NRXN1: variants seen among roughly 807,000 people sequenced by gnomAD.
NRXN1 encodes the protein neurexin-1.
Under a neutral mutation model 150.9 loss-of-function variants are expected in NRXN1, and 39 were observed. That is an observed-to-expected ratio of 0.26 (90% CI 0.20 to 0.34). The LOEUF is 0.34. Ranked by LOEUF, NRXN1 falls within the 10% of genes least tolerant of loss-of-function variation. The pLI is 1.00. For missense variants in NRXN1, 1,815 were observed against 1,949.9 expected (o/e 0.93, Z 1.30); for synonymous variants, 924 against 757.0 (o/e 1.22, Z -3.62).
intron 5 of NRXN1, among the ~76,000 whole-genome samples, chr2:50,757,712 G>C (rs1701318182): frequency 6.6e-6 from 1 of 151,754 alleles, no homozygotes; most frequent in African/African-American, 2.4e-5. Flanking sequence ...AAGCGTGATA[G>C]TCTTTGATTG....
chr2:50,550,896 T>A (rs939839523), intron 9 of NRXN1, among the ~76,000 whole-genome samples: 1 of 151,808 alleles, frequency 6.6e-6, no homozygotes, highest in Non-Finnish European at 1.5e-5. Flanking sequence ...TTAGCCAGGA[T>A]GGTCTGGATC....
At chr2:50,793,468 T>C (rs1197964881) in intron 5 of NRXN1, among the ~76,000 whole-genome samples, 1 of 152,108 alleles carries the variant, frequency 6.6e-6, no homozygotes, top group Non-Finnish European at 1.5e-5. Flanking sequence ...TAACCTTCAC[T>C]AAAGGGTTAA....
intron 19 of NRXN1, among the ~76,000 whole-genome samples, chr2:50,063,360 C>A (rs1407242791): frequency 6.6e-6 from 1 of 152,092 alleles, no homozygotes; most frequent in Non-Finnish European, 1.5e-5. Context: ...GCCGAATACA[C>A]ATATATAATT....
chr2:50,640,935 G>T lies in NRXN1; in HGVS notation c.833-17320C>A, dbSNP rs186980780. Among the ~76,000 whole-genome samples, 674 of 152,152 alleles carry T rather than the reference G, an allele frequency of 4.4e-3. 4 individuals carry two copies. Among genetic ancestry groups the T allele is most frequent in the Non-Finnish European group, 7.6e-3 (514 of 68,008 alleles). ...GAGAAGGTCATGGAAGAAAGTCTTG[G>T]GATAAAATAAGTAGATAAAGAAATA... On this transcript the variant is annotated intron_variant, in intron 5 of 22. Transcript: ENST00000401669.
rs1685797476 is a variant in NRXN1, at chr2:50,012,179, G to A, written c.4128+41092C>T. Among the ~76,000 whole-genome samples the A allele has an allele frequency of 2.0e-5, 3 of 151,974 alleles. No homozygotes were observed. The South Asian group carries it at 6.2e-4, about 31-fold the overall frequency. On this transcript the variant is annotated intron_variant, in intron 21 of 22. Coordinates refer to ENST00000401669, the MANE Select transcript of NRXN1 (RefSeq NM_001330078.2). ...ATTTAAACTAGAGTCTTTTCTCATG[G>A]AAAACAAACCATCCATGTCTTGATC...
In NRXN1 at chr2:50,829,999, GAAAAAAAAAAAAAAAA is replaced by G. The variant is rs572758147; in HGVS notation, c.832+91854_832+91869del. ...GGAACCCAAAGAATACTGCCTGCTGGAAAAAAAAAAAAAAAAAAAAAAAAAAAAAAAGCTCATTTCT... is the reference window on the plus strand; with the variant it reads ...GGAACCCAAAGAATACTGCCTGCTGGAAAAAAAAAAAAAAAGCTCATTTCT... On this transcript the variant is annotated intron_variant, in intron 5 of 22. Coordinates refer to ENST00000401669, the MANE Select transcript of NRXN1 (RefSeq NM_001330078.2). 4.7e-3 allele frequency among the ~76,000 whole-genome samples: 273 copies of G among 58,190 alleles called. 17 individuals carry two copies. In the Admixed American group the frequency reaches 0.057, roughly 12 times the overall value. The allele number at this position is 58,190 out of a possible 152,430, so 38.2% of individuals were successfully genotyped here. A position where few individuals can be genotyped will look rare whatever the true frequency, so the allele number is the denominator to read the frequency against.
intron 5 of NRXN1, among the ~76,000 whole-genome samples, chr2:50,787,295 C>T (rs747778608): frequency 6.6e-5 from 10 of 152,090 alleles, no homozygotes; most frequent in Non-Finnish European, 1.2e-4. Context: ...CGCTGTGGCT[C>T]ATGCCTGTAA....
chr2:50,235,443 G>C (rs138710435), intron 18 of NRXN1, among the ~76,000 whole-genome samples: 1 of 152,118 alleles, frequency 6.6e-6, no homozygotes, highest in East Asian at 1.9e-4. Flanking sequence ...GGGTTTTGTT[G>C]TGTTTTTCAA....
chr2:49,959,752 A>C (rs1675587328), intron 21 of NRXN1, among the ~76,000 whole-genome samples: 1 of 152,238 alleles, frequency 6.6e-6, no homozygotes. Context: ...GATAAATTCA[A>C]AATAAATATT....
chr2:50,430,435 T>A (rs1238978375), intron 17 of NRXN1, among the ~76,000 whole-genome samples: 1 of 152,194 alleles, frequency 6.6e-6, no homozygotes, highest in East Asian at 1.9e-4. Context: ...CACACAATAG[T>A]CATTCGCCAC....
intron 21 of NRXN1, among the ~76,000 whole-genome samples, chr2:49,996,324 G>A (rs1156291451): frequency 6.6e-6 from 1 of 152,128 alleles, no homozygotes; most frequent in Non-Finnish European, 1.5e-5. Flanking sequence ...TGAAAGGGAT[G>A]GGATAAGCAA....
chr2:50,986,633 C>T (rs908571225), intron 2 of NRXN1, among the ~76,000 whole-genome samples: 7 of 151,616 alleles, frequency 4.6e-5, no homozygotes, highest in Non-Finnish European at 7.4e-5. Context: ...ACTCATATAT[C>T]GATTTTGCCC....
At chr2:50,388,630 C>T (rs1004590474) in intron 17 of NRXN1, among the ~76,000 whole-genome samples, 1 of 152,092 alleles carries the variant, frequency 6.6e-6, no homozygotes, top group Non-Finnish European at 1.5e-5. Flanking sequence ...TAAGGAGTAT[C>T]GTTGCTTTGG....
At chr2:50,843,632 A>C (rs1673193987) in intron 5 of NRXN1, among the ~76,000 whole-genome samples, 1 of 152,212 alleles carries the variant, frequency 6.6e-6, no homozygotes, top group Admixed American at 6.5e-5. Context: ...GTGAGAACTG[A>C]AACTACCTAT....
chr2:50,633,763 C>A (rs185641991), intron 5 of NRXN1, among the ~76,000 whole-genome samples: 20 of 152,150 alleles, frequency 1.3e-4, no homozygotes, highest in Admixed American at 4.6e-4. Flanking sequence ...AGAAATACAA[C>A]AGTAAATAAG....
intron 5 of NRXN1, among the ~76,000 whole-genome samples, chr2:50,706,413 G>A (rs557467033): frequency 2.0e-5 from 3 of 152,218 alleles, no homozygotes; most frequent in South Asian, 2.1e-4. Context: ...GTTAATGGCA[G>A]GGAGACTGTT....
chr2:50,069,914 G>A (rs1353294783), intron 19 of NRXN1, among the ~76,000 whole-genome samples: 3 of 148,942 alleles, frequency 2.0e-5, no homozygotes, highest in Non-Finnish European at 3.0e-5. Flanking sequence ...GCAGTGGTGC[G>A]ATCTTGGCTC....
intron 21 of NRXN1, among the ~76,000 whole-genome samples, chr2:49,968,825 C>T (rs1332377681): frequency 1.3e-5 from 2 of 151,954 alleles, no homozygotes; most frequent in South Asian, 2.1e-4. Flanking sequence ...AATAGTTAGG[C>T]CTTCAGTGCT....
intron 5 of NRXN1, among the ~76,000 whole-genome samples, chr2:50,661,106 T>C (rs1687239496): frequency 6.6e-6 from 1 of 151,888 alleles, no homozygotes; most frequent in Non-Finnish European, 1.5e-5. Flanking sequence ...TACTAGTATG[T>C]ACTTTTACTA....
Sources: gnomAD v4.1 joint callset for allele counts (sites outside exome capture counted in the v4.1 genomes callset) on GRCh38, gnomAD v4.1.1 for gene constraint, MANE v1.5 for transcripts, NCBI Gene and HGNC (gene_info 2026-07-23, HGNC 2026-07-21) for gene names.